ORC3: variants seen among roughly 807,000 people sequenced by gnomAD.
ORC3 encodes origin recognition complex subunit 3, also known as homolog of latheo, Drosophila.
Under a neutral mutation model 100.7 loss-of-function variants are expected in ORC3, and 78 were observed. The ratio of observed to expected loss-of-function variants is 0.77; its 90% CI spans 0.65 to 0.94. ORC3 has a LOEUF of 0.94. Ranked by LOEUF, ORC3 falls within the 40% of genes least tolerant of loss-of-function variation. The pLI, the probability that ORC3 is intolerant of heterozygous loss-of-function variation, is 0.00. For missense variants in ORC3, 789 were observed against 823.9 expected, an observed-to-expected ratio of 0.96 and a Z score of 0.52; for synonymous variants, 295 against 289.3, an observed-to-expected ratio of 1.02 and a Z score of -0.20.
intron 2 of ORC3, among the ~76,000 whole-genome samples, chr6:87,598,463 C>T (rs1415570897): frequency 6.6e-6 from 1 of 152,160 alleles, no homozygotes; most frequent in East Asian, 1.9e-4. Context: ...TTGAACCCAA[C>T]CTGTCTGATT....
chr6:87,645,727 C>T (rs552855350), intron 13 of ORC3, among the ~76,000 whole-genome samples: 3 of 152,232 alleles, frequency 2.0e-5, no homozygotes, highest in African/African-American at 7.2e-5. Flanking sequence ...ATAATTAGTA[C>T]TTAACCAGAA....
the ORC3 span, chr6:87,675,852 A>G: frequency 6.2e-7 from 1 of 1,611,168 alleles, no homozygotes; most frequent in Admixed American, 1.7e-5. Context: ...CAAAGGTGAA[A>G]TACTTACAGC....
chr6:87,661,178 TATA>T (rs140866076), intron 16 of ORC3, among the ~76,000 whole-genome samples: 3,606 of 152,328 alleles, frequency 0.024, 69 homozygotes, highest in Middle Eastern at 0.041. Flanking sequence ...GACAGCCATG[TATA>T]ATGATTGGGA....
At chr6:87,674,645 T>TATAAATATATATATATATAAATA in the ORC3 span, among the ~76,000 whole-genome samples, 2 of 148,088 alleles carry the variant, frequency 1.4e-5, no homozygotes, top group African/African-American at 5.0e-5. Context: ...TATATATATT[T>TATAAATATATATATATATAAATA]TTTTTTTTTT....
chr6:87,633,215 A>T (rs1364950470), intron 11 of ORC3, among the ~76,000 whole-genome samples: 3 of 152,186 alleles, frequency 2.0e-5, no homozygotes, highest in African/African-American at 7.2e-5. Context: ...TTTTCTTCAA[A>T]ATATTCCCCC....
rs1778811275 is a variant in ORC3 at position 87,612,072 on chromosome 6, C to T, written c.714-17C>T. ...TGCTAAATAAATTTCACTTTTGTGT[C>T]TGTCTTTCAAAACTAGTCAACATCT... On this transcript the variant is annotated splice_polypyrimidine_tract_variant and intron_variant, in intron 7 of 19. Transcript: ENST00000392844. 1 of 1,602,310 alleles carries T rather than the reference C, an allele frequency of 6.2e-7. No individual in the cohort carries two copies. The highest frequency in any genetic ancestry group is 1.7e-5 in the Admixed American group (1 of 57,354).
At chr6:87,604,951 G>A (rs988800836) in intron 4 of ORC3, among the ~76,000 whole-genome samples, 1 of 152,144 alleles carries the variant, frequency 6.6e-6, no homozygotes, top group African/African-American at 2.4e-5. Context: ...TAAGCAGTTT[G>A]AAAGTGGCTG....
the ORC3 span, among the ~76,000 whole-genome samples, chr6:87,673,641 G>C: frequency 3.3e-5 from 5 of 152,138 alleles, no homozygotes; most frequent in African/African-American, 7.2e-5. Context: ...AAGAGATCGA[G>C]ACCATCCTGG....
intron 5 of ORC3, among the ~76,000 whole-genome samples, chr6:87,607,142 C>T (rs1778400860): frequency 6.6e-6 from 1 of 152,044 alleles, no homozygotes; most frequent in African/African-American, 2.4e-5. Flanking sequence ...AGATAATATA[C>T]ATAAATGGCT....
chr6:87,612,583 A>G (rs1465921822), intron 8 of ORC3, among the ~76,000 whole-genome samples: 5 of 152,120 alleles, frequency 3.3e-5, no homozygotes, highest in Non-Finnish European at 7.4e-5. Flanking sequence ...TGTAGTAACA[A>G]TGTATTTTGA....
the ORC3 span, among the ~76,000 whole-genome samples, chr6:87,674,488 C>G: frequency 6.6e-6 from 1 of 151,402 alleles, no homozygotes; most frequent in African/African-American, 2.4e-5. Context: ...GAAAGGGAGT[C>G]AAATTTGCTG....
chr6:87,602,932 T>TTATATATATATACACATATATAA (rs1778031746), intron 3 of ORC3, among the ~76,000 whole-genome samples: 1 of 129,738 alleles, frequency 7.7e-6, no homozygotes, highest in African/African-American at 2.9e-5. Context: ...ATATACACGT[T>TTATATATATATACACATATATAA]TATATATATA....
downstream of ORC3, among the ~76,000 whole-genome samples, chr6:87,669,152 C>T (rs1047516697): frequency 4.3e-4 from 66 of 151,996 alleles, no homozygotes; most frequent in Non-Finnish European, 1.3e-4. Context: ...AGTGAAACTC[C>T]GTCTCAAAAA....
chr6:87,622,485 A>G (rs1023267668), intron 11 of ORC3, among the ~76,000 whole-genome samples: 3 of 152,154 alleles, frequency 2.0e-5, no homozygotes, highest in African/African-American at 7.2e-5. Context: ...AGAAGTAATG[A>G]GCTTAGAAAA....
chr6:87,666,375 C>T (rs1244439124), intron 19 of ORC3, among the ~76,000 whole-genome samples: 1 of 150,480 alleles, frequency 6.6e-6, no homozygotes, highest in African/African-American at 2.4e-5. Flanking sequence ...TGTGATCCGC[C>T]CGCCTTGGCC....
At chr6:87,621,264 T>A (rs1779510141) in intron 9 of ORC3, 90 bp from the exon 10 acceptor site, 1 of 983,902 alleles carries the variant, frequency 1.0e-6, no homozygotes, top group Non-Finnish European at 1.4e-6. Context: ...TTTGGCTCTT[T>A]AAAAAAATCC....
intron 13 of ORC3, among the ~76,000 whole-genome samples, chr6:87,640,307 T>C (rs1354652814): frequency 1.3e-5 from 2 of 152,258 alleles, no homozygotes; most frequent in East Asian, 1.9e-4. Flanking sequence ...TTATGTCACA[T>C]ATTTATTAGT....
chr6:87,671,305 G>A (rs185290721), downstream of ORC3, among the ~76,000 whole-genome samples: 20 of 152,188 alleles, frequency 1.3e-4, 1 homozygote, highest in East Asian at 3.9e-3. Context: ...CAGTAGAGAT[G>A]TTAATATTTT....
Position 87,656,952 on chromosome 6 carries a change from T to G in ORC3, c.1563T>G (p.Leu521=). ...EDASGSQPKG[L]QKTDLYHLQK... is the part of the protein sequence containing the mutation. ...CTTCTGGGTCACAGCCAAAGGGGCT[T>G]CAGAAGACAGACCTCTATCATCTTC... Residue 521 remains leucine (L), a synonymous_variant, in exon 15 of 20, where the codon CTT becomes CTG. Transcript: ENST00000392844. 1.2e-6 allele frequency: 2 copies of G among 1,613,148 alleles called. No individual in the cohort carries two copies. The highest frequency in any genetic ancestry group is 1.7e-6 in the Non-Finnish European group (2 of 1,179,184).
Sources: allele counts gnomAD v4.1 joint callset (sites outside exome capture counted in the v4.1 genomes callset), GRCh38; gene constraint gnomAD v4.1.1; transcripts MANE v1.5; gene names NCBI Gene and HGNC (gene_info 2026-07-23, HGNC 2026-07-21).